The following CA10 variants were observed in gnomAD, a reference collection of about 807,000 sequenced individuals.
CA10 encodes carbonic anhydrase-related protein 10.
CA10 carries 14 observed loss-of-function variants against 44.2 expected under a neutral mutation model. The observed-to-expected ratio is 0.32, with a 90% CI of 0.21 to 0.50. The LOEUF (loss-of-function observed/expected upper bound fraction) is 0.50. Among genes scored for constraint, CA10 ranks in the 20% least tolerant of loss-of-function variants. The probability of loss-of-function intolerance (pLI) is 0.99; values close to 1 mark genes in which losing one functional copy is unlikely to be tolerated. For synonymous variants in CA10, 159 were observed against 141.6 expected, an observed-to-expected ratio of 1.12 and a Z score of -0.87; for missense variants, 350 against 409.7, an observed-to-expected ratio of 0.85 and a Z score of 1.26.
At chr17:51,986,217 A>G (rs1984832234) in intron 2 of CA10, among the ~76,000 whole-genome samples, 1 of 152,022 alleles carries the variant, frequency 6.6e-6, no homozygotes, top group East Asian at 1.9e-4. Flanking sequence ...CTTAAAGCCA[A>G]ATGATCTTTG....
At chr17:51,878,667 A>G (rs1980198349) in intron 3 of CA10, among the ~76,000 whole-genome samples, 1 of 151,474 alleles carries the variant, frequency 6.6e-6, no homozygotes, top group African/African-American at 2.4e-5. Flanking sequence ...TATTCATTTT[A>G]ATTACTCAAT....
intron 1 of CA10, among the ~76,000 whole-genome samples, chr17:52,122,460 T>G (rs1598226323): frequency 1.3e-5 from 2 of 152,226 alleles, no homozygotes; most frequent in Admixed American, 1.3e-4. Flanking sequence ...GAAGTTTGAT[T>G]TTTTAAAAAT....
At chr17:51,669,485 C>A (rs1209409062) in intron 4 of CA10, among the ~76,000 whole-genome samples, 1 of 152,162 alleles carries the variant, frequency 6.6e-6, no homozygotes, top group Non-Finnish European at 1.5e-5. Context: ...CTCTCGGGTC[C>A]CCTTCCACAC....
chr17:51,860,742 TA>T (rs1425263527), intron 3 of CA10, among the ~76,000 whole-genome samples: 1 of 152,210 alleles, frequency 6.6e-6, no homozygotes, highest in African/African-American at 2.4e-5. Context: ...TATGTGTCTA[TA>T]ATAAACACTA....
At chr17:51,935,569 C>G (rs1218458197) in intron 2 of CA10, among the ~76,000 whole-genome samples, 19 of 152,180 alleles carry the variant, frequency 1.2e-4, no homozygotes, top group Admixed American at 1.2e-3. Flanking sequence ...TGGAACTTAA[C>G]TGCTGCATCA....
At chr17:52,100,182 T>A (rs1988504607) in intron 1 of CA10, among the ~76,000 whole-genome samples, 2 of 152,100 alleles carry the variant, frequency 1.3e-5, no homozygotes, top group South Asian at 4.1e-4. Context: ...ATGTGATGAT[T>A]CAGGAATAAA....
rs1988687365 is a variant in CA10, at chr17:52,107,555, C to T, written c.62-35162G>A. 2.6e-5 allele frequency among the ~76,000 whole-genome samples: 4 copies of T among 151,870 alleles called. No individual in the cohort carries two copies. In the South Asian group the frequency reaches 8.3e-4, roughly 32 times the overall value. The stretch of plus-strand genomic sequence containing the variant: ...ACTGTAACATTTTTATTATCTAGAA[C>T]ATAGGAGAGAAAAAAATCCAACACC... On this transcript the variant is annotated intron_variant, in intron 1 of 8. Coordinates refer to ENST00000451037, the MANE Select transcript of CA10 (RefSeq NM_020178.5).
chr17:51,971,711 C>T (rs1984286018), intron 2 of CA10, among the ~76,000 whole-genome samples: 1 of 151,870 alleles, frequency 6.6e-6, no homozygotes. Flanking sequence ...TCCATTTCTA[C>T]CATTTTAAAA....
At chr17:52,019,298 G>A (rs80263380) in intron 2 of CA10, among the ~76,000 whole-genome samples, 1,625 of 152,132 alleles carry the variant, frequency 0.011, 13 homozygotes, top group Middle Eastern at 0.024. Flanking sequence ...TGAACAAAAC[G>A]TTAGTTGTGA....
intron 2 of CA10, among the ~76,000 whole-genome samples, chr17:52,033,814 A>G (rs1986538149): frequency 6.6e-6 from 1 of 152,196 alleles, no homozygotes; most frequent in Non-Finnish European, 1.5e-5. Context: ...GATCAATTAT[A>G]TACAATAGGG....
chr17:51,849,682 C>G (rs1298949460), intron 3 of CA10, among the ~76,000 whole-genome samples: 1 of 152,126 alleles, frequency 6.6e-6, no homozygotes, highest in Non-Finnish European at 1.5e-5. Context: ...ATAGAAGAAA[C>G]TTGGTGGATG....
intron 4 of CA10, among the ~76,000 whole-genome samples, chr17:51,703,594 C>G (rs781402680): frequency 1.3e-5 from 2 of 152,120 alleles, no homozygotes; most frequent in Admixed American, 6.5e-5. Context: ...ATTTTCTGAG[C>G]ACCTCCATAC....
intron 3 of CA10, 137 bp downstream of exon 3, chr17:51,930,853 G>A: frequency 1.0e-6 from 1 of 960,258 alleles, no homozygotes; most frequent in Non-Finnish European, 1.6e-6. Flanking sequence ...TCTATCTAAT[G>A]GCGGCAGGTC....
chr17:52,076,915 T>C lies in CA10; in HGVS notation c.62-4522A>G, dbSNP rs139992521. 8.0e-3 allele frequency among the ~76,000 whole-genome samples: 1,220 copies of C among 152,266 alleles called. 11 individuals are homozygous for C. The highest frequency in any genetic ancestry group is 0.024 in the South Asian group (114 of 4,822). ...ACAGCATTCTATGCTCCTCTTTGCCTAGGTATGGATCAGAATTTTTTAATG... is the reference window on the plus strand; with the variant it reads ...ACAGCATTCTATGCTCCTCTTTGCCCAGGTATGGATCAGAATTTTTTAATG... On this transcript the variant is annotated intron_variant, in intron 1 of 8. Transcript: ENST00000451037.
Position 51,989,121 on chromosome 17 carries a change from A to C in CA10, c.137-57989T>G, listed in dbSNP as rs571895807. Among the ~76,000 whole-genome samples, 7 of 150,052 alleles carry C rather than the reference A, an allele frequency of 4.7e-5. No individual in the cohort carries two copies. In the East Asian group the frequency reaches 1.4e-3, roughly 29 times the overall value. On this transcript the variant is annotated intron_variant, in intron 2 of 8. Coordinates refer to ENST00000451037, the MANE Select transcript of CA10 (RefSeq NM_020178.5). ...AAATAAATGCAGAATCTTAATCCTT[A>C]TCCTGGAGCTACTATATCAGAATCT...
intron 2 of CA10, among the ~76,000 whole-genome samples, chr17:52,011,868 G>A (rs1985808330): frequency 6.6e-6 from 1 of 152,058 alleles, no homozygotes; most frequent in Non-Finnish European, 1.5e-5. Flanking sequence ...ACTCAGAAAT[G>A]AGAATTGTTT....
At chr17:51,861,067 T>C (rs1030396874) in intron 3 of CA10, among the ~76,000 whole-genome samples, 1 of 152,192 alleles carries the variant, frequency 6.6e-6, no homozygotes, top group African/African-American at 2.4e-5. Context: ...GTACTTTGCT[T>C]TGAGGTGCTG....
At chr17:51,851,555 G>A (rs569351419) in intron 3 of CA10, among the ~76,000 whole-genome samples, 58 of 152,266 alleles carry the variant, frequency 3.8e-4, no homozygotes, top group African/African-American at 1.3e-3. Flanking sequence ...ATATTTTATT[G>A]TTATTTTAAA....
chr17:52,040,964 T>C lies in CA10; in HGVS notation c.136+31355A>G, dbSNP rs1419508487. Among the ~76,000 whole-genome samples the C allele has an allele frequency of 1.3e-5, 2 of 151,962 alleles. 1 individual carries two copies. The highest frequency in any genetic ancestry group is 2.9e-5 in the Non-Finnish European group (2 of 68,002). ...CACAAAGGGCTGGGAAGAGTTTGTATTCCCAACAGGTAAAGGGGCAATACA... is the reference window on the plus strand; with the variant it reads ...CACAAAGGGCTGGGAAGAGTTTGTACTCCCAACAGGTAAAGGGGCAATACA... On this transcript the variant is annotated intron_variant, in intron 2 of 8. Transcript: ENST00000451037.
Sources: gnomAD v4.1 joint callset for allele counts (sites outside exome capture counted in the v4.1 genomes callset) on GRCh38, gnomAD v4.1.1 for gene constraint, MANE v1.5 for transcripts, NCBI Gene and HGNC (gene_info 2026-07-23, HGNC 2026-07-21) for gene names.